Variants in ADAMTS12 observed in about 807,000 individuals in gnomAD.
ADAMTS12 encodes the protein ADAM metallopeptidase with thrombospondin type 1 motif 12, also known as A disintegrin and metalloproteinase with thrombospondin motifs 12.
In ADAMTS12, 118 loss-of-function variants were observed where a neutral mutation model predicts 167.8. The observed-to-expected ratio is 0.70, with a 90% confidence interval of 0.61 to 0.82. The LOEUF is 0.82. Among genes scored for constraint, ADAMTS12 ranks in the 40% least tolerant of loss-of-function variants. The pLI, the probability that ADAMTS12 is intolerant of heterozygous loss-of-function variation, is 0.00. For missense variants in ADAMTS12, 1,916 were observed against 1,998.8 expected (o/e 0.96, Z 0.79); for synonymous variants, 704 against 716.9 (o/e 0.98, Z 0.29).
intron 3 of ADAMTS12, among the ~76,000 whole-genome samples, chr5:33,710,390 G>A (rs1743353166): frequency 6.6e-6 from 1 of 152,112 alleles, no homozygotes; most frequent in Non-Finnish European, 1.5e-5. Flanking sequence ...TGTCAAGGAG[G>A]CCAAGGTTGT....
chr5:33,749,595 T>C (rs1744906090), intron 3 of ADAMTS12, among the ~76,000 whole-genome samples: 1 of 152,174 alleles, frequency 6.6e-6, no homozygotes, highest in Non-Finnish European at 1.5e-5. Flanking sequence ...AAATTCCACC[T>C]GGTGGAAATT....
intron 2 of ADAMTS12, among the ~76,000 whole-genome samples, chr5:33,771,299 A>G (rs1206141192): frequency 6.6e-6 from 1 of 152,184 alleles, no homozygotes; most frequent in Non-Finnish European, 1.5e-5. Context: ...GTCCCCTGAA[A>G]AATAATTACA....
At chr5:33,727,458 G>A (rs1448958688) in intron 3 of ADAMTS12, among the ~76,000 whole-genome samples, 1 of 152,222 alleles carries the variant, frequency 6.6e-6, no homozygotes, top group Non-Finnish European at 1.5e-5. Flanking sequence ...CAAAGCAAAT[G>A]AAGCATTAGC....
intron 2 of ADAMTS12, among the ~76,000 whole-genome samples, chr5:33,781,277 A>G (rs1270869356): frequency 1.3e-5 from 2 of 152,158 alleles, no homozygotes; most frequent in Non-Finnish European, 2.9e-5. Context: ...ATATATGTAT[A>G]TATACACGCA....
intron 8 of ADAMTS12, 30 bp from the exon 9 acceptor site, chr5:33,648,996 G>A (rs1740780825): frequency 2.5e-6 from 4 of 1,606,940 alleles, no homozygotes; most frequent in Non-Finnish European, 3.4e-6. Flanking sequence ...AATGAGAGGA[G>A]TTGTTTAGGA....
chr5:33,694,748 A>G (rs1187338292), intron 3 of ADAMTS12, among the ~76,000 whole-genome samples: 2 of 152,230 alleles, frequency 1.3e-5, no homozygotes, highest in African/African-American at 4.8e-5. Flanking sequence ...TGCTGGCTAG[A>G]TTTCAAAGAC....
chr5:33,668,166 A>G (rs746703253), intron 5 of ADAMTS12, among the ~76,000 whole-genome samples: 6 of 152,216 alleles, frequency 3.9e-5, no homozygotes, highest in Non-Finnish European at 8.8e-5. Context: ...GTAACTTAGC[A>G]TAGCCTACGT....
chr5:33,687,108 T>C (rs1201275581), intron 3 of ADAMTS12, among the ~76,000 whole-genome samples: 1 of 150,568 alleles, frequency 6.6e-6, no homozygotes, highest in Non-Finnish European at 1.5e-5. Flanking sequence ...TTTAAAGACA[T>C]CTTTAAAGTC....
intron 3 of ADAMTS12, among the ~76,000 whole-genome samples, chr5:33,701,859 T>A (rs1415991292): frequency 6.6e-6 from 1 of 152,218 alleles, no homozygotes; most frequent in Non-Finnish European, 1.5e-5. Context: ...TCCCATTGCC[T>A]GCCTTAAGCT....
chr5:33,794,148 GTT>G (rs1394170424), intron 2 of ADAMTS12, among the ~76,000 whole-genome samples: 4 of 152,122 alleles, frequency 2.6e-5, no homozygotes, highest in Non-Finnish European at 5.9e-5. Context: ...ACTTGACTCA[GTT>G]CCAAGTAAAG....
chr5:33,735,029 T>C (rs1296317449), intron 3 of ADAMTS12, among the ~76,000 whole-genome samples: 1 of 152,258 alleles, frequency 6.6e-6, no homozygotes, highest in Non-Finnish European at 1.5e-5. Flanking sequence ...AATAAAATGC[T>C]TTTTTAAATA....
chr5:33,572,396 C>T (rs1335226642), intron 19 of ADAMTS12, among the ~76,000 whole-genome samples: 1 of 151,910 alleles, frequency 6.6e-6, no homozygotes, highest in Non-Finnish European at 1.5e-5. Context: ...AAAGCTTATC[C>T]ACCATGATCA....
chr5:33,704,955 G>A (rs944961147), intron 3 of ADAMTS12, among the ~76,000 whole-genome samples: 1 of 151,834 alleles, frequency 6.6e-6, no homozygotes, highest in African/African-American at 2.4e-5. Context: ...TATTCTAAGA[G>A]TTTTATTGTT....
At chr5:33,601,442 C>G (rs540004534) in intron 16 of ADAMTS12, among the ~76,000 whole-genome samples, 1 of 152,276 alleles carries the variant, frequency 6.6e-6, no homozygotes, top group Non-Finnish European at 1.5e-5. Flanking sequence ...GTAACCCACT[C>G]ATCCAATAGT....
At chr5:33,615,528 C>G (rs1003997067) in intron 15 of ADAMTS12, among the ~76,000 whole-genome samples, 1 of 152,128 alleles carries the variant, frequency 6.6e-6, no homozygotes, top group East Asian at 1.9e-4. Flanking sequence ...CTTGGAAACC[C>G]GTGCCACAAT....
At chr5:33,660,473 T>C (rs1347744723) in intron 6 of ADAMTS12, among the ~76,000 whole-genome samples, 2 of 152,176 alleles carry the variant, frequency 1.3e-5, no homozygotes, top group Non-Finnish European at 2.9e-5. Context: ...CTGGTCCATA[T>C]CAAACATTTC....
In ADAMTS12 at chr5:33,549,926, A is replaced by G. The variant is rs182896024; in HGVS notation, c.4126-543T>C. Among the ~76,000 whole-genome samples the G allele has an allele frequency of 5.9e-5, 9 of 152,334 alleles. No individual in the cohort carries two copies. In the East Asian group the frequency reaches 1.5e-3, roughly 26 times the overall value. On this transcript the variant is annotated intron_variant, in intron 20 of 23. Coordinates refer to ENST00000504830, the MANE Select transcript of ADAMTS12 (RefSeq NM_030955.4). The stretch of plus-strand genomic sequence containing the variant: ...GTCTCTCTCATGAAGGGCCTTGAGT[A>G]GGGAAATAAACTGAATTAACTACTC...
At chr5:33,573,619 G>C (rs533987414) in intron 19 of ADAMTS12, among the ~76,000 whole-genome samples, 9 of 152,230 alleles carry the variant, frequency 5.9e-5, no homozygotes, top group African/African-American at 1.9e-4. Flanking sequence ...AGACTTACAT[G>C]TTAGACCTAA....
At chr5:33,661,161 ATTTAC>A (rs1741243776) in intron 6 of ADAMTS12, among the ~76,000 whole-genome samples, 1 of 152,166 alleles carries the variant, frequency 6.6e-6, no homozygotes, top group Admixed American at 6.5e-5. Flanking sequence ...CCCAAGAAGA[ATTTAC>A]TTTACCCCAT....
Sources: allele counts gnomAD v4.1 joint callset (sites outside exome capture counted in the v4.1 genomes callset), GRCh38; gene constraint gnomAD v4.1.1; transcripts MANE v1.5; gene names NCBI Gene and HGNC (gene_info 2026-07-23, HGNC 2026-07-21).